Variants in PPP1CC observed in about 807,000 individuals in gnomAD.
PPP1CC encodes serine/threonine-protein phosphatase PP1-gamma catalytic subunit.
PPP1CC carries 16 observed loss-of-function variants against 38.4 expected under a neutral mutation model. The ratio of observed to expected loss-of-function variants is 0.42; its 90% CI spans 0.28 to 0.63. The LOEUF (loss-of-function observed/expected upper bound fraction) is 0.63, where lower values mean the gene tolerates loss of function less well. PPP1CC is among the 30% of genes least tolerant of loss of function. PPP1CC has a pLI of 0.25. For missense variants in PPP1CC, 170 were observed against 391.3 expected (o/e 0.43, Z 4.77); for synonymous variants, 158 against 136.0 (o/e 1.16, Z -1.13).
At chr12:110,733,382 C>T (rs560223082) in intron 1 of PPP1CC, among the ~76,000 whole-genome samples, 5 of 152,006 alleles carry the variant, frequency 3.3e-5, no homozygotes, top group Admixed American at 6.6e-5. Flanking sequence ...AGTATTTCTG[C>T]GATAAATAGC....
chr12:110,715,184 A>G (rs1427926465), downstream of PPP1CC, among the ~76,000 whole-genome samples: 1 of 152,132 alleles, frequency 6.6e-6, no homozygotes, highest in Non-Finnish European at 1.5e-5. Flanking sequence ...TTTAAGTGAC[A>G]TTTTAGAATT....
In PPP1CC at chr12:110,722,382, A is replaced by G. The variant is rs2069749675; in HGVS notation, c.747+90T>C. The G allele has an allele frequency of 6.4e-7, 1 of 1,558,044 alleles. No homozygotes were observed. Among genetic ancestry groups the G allele is most frequent in the Non-Finnish European group, 8.8e-7 (1 of 1,133,386 alleles). ...TGTGTTCCAGAAACACTTTGTATAA[A>G]TAAGCAATACCTACCCACCAAAATC... is the stretch of plus-strand genomic sequence containing the variant. On this transcript the variant is annotated intron_variant, in intron 5 of 6. Transcript: ENST00000335007. The surrounding 1 kb of genome is among the most constrained non-coding windows in gnomAD (Gnocchi z 5.4).
Position 110,722,093 on chromosome 12 carries a change from G to A in PPP1CC, c.882+42C>T, listed in dbSNP as rs756856398. Reference sequence around the variant, plus strand: ...AATTATATTTTTCAATCAGCAAAGTGTAAACATATTAAAAGGAAATCATGT... The same window carrying A: ...AATTATATTTTTCAATCAGCAAAGTATAAACATATTAAAAGGAAATCATGT... On this transcript the variant is annotated intron_variant, in intron 6 of 6. Transcript: ENST00000335007. The surrounding 1 kb of genome is among the most constrained non-coding windows in gnomAD (Gnocchi z 5.4). 11 of 1,611,010 alleles carry A rather than the reference G, an allele frequency of 6.8e-6. No homozygotes were observed. The highest frequency in any genetic ancestry group is 5.5e-5 in the South Asian group (5 of 90,878).
intron 4 of PPP1CC, among the ~76,000 whole-genome samples, chr12:110,724,223 G>C (rs938682327): frequency 6.6e-6 from 1 of 151,978 alleles, no homozygotes; most frequent in Non-Finnish European, 1.5e-5. Flanking sequence ...GGGTGAGAGA[G>C]CGAGACTCTG....
At chr12:110,726,811 A>T (rs1015610586) in intron 3 of PPP1CC, 2 of 152,160 alleles carry the variant, frequency 1.3e-5, no homozygotes, top group Non-Finnish European at 2.9e-5. Context: ...AAACAAAAAC[A>T]AAAAACCTGC....
chr12:110,708,864 A>AAG, the PPP1CC span, among the ~76,000 whole-genome samples: 10 of 150,364 alleles, frequency 6.7e-5, no homozygotes, highest in South Asian at 2.1e-4. Flanking sequence ...AAAAAAAAAA[A>AAG]AAAAGAAAAG....
At chr12:110,717,912 G>C (rs566310406), downstream of PPP1CC, among the ~76,000 whole-genome samples, 9 of 152,276 alleles carry the variant, frequency 5.9e-5, no homozygotes, top group South Asian at 1.7e-3. Flanking sequence ...GCACTTCCCT[G>C]CAATGGTTCC....
intron 1 of PPP1CC, chr12:110,734,694 A>G (rs2069921315): frequency 6.5e-6 from 1 of 153,700 alleles, no homozygotes; most frequent in Admixed American, 6.5e-5. Context: ...ATAAAATTAT[A>G]AAACAATAGG....
chr12:110,720,127 T>A lies in PPP1CC; in HGVS notation c.*949A>T, dbSNP rs1454882354. 6.5e-7 allele frequency: 1 copy of A among 1,546,668 alleles called. No homozygotes were observed. The highest frequency in any genetic ancestry group is 8.7e-7 in the Non-Finnish European group (1 of 1,151,694). ...TAAAGAATGTAGGCCAAAGAAAGCA[T>A]AATCGGTCACTCGTATAGAACAGTA... On this transcript the variant is annotated 3_prime_UTR_variant, in exon 7 of 7. Transcript: ENST00000335007.
intron 1 of PPP1CC, among the ~76,000 whole-genome samples, chr12:110,734,516 T>C (rs993269168): frequency 6.6e-6 from 1 of 152,148 alleles, no homozygotes. Context: ...GCTAATTTTA[T>C]ACTTTTAGTA....
At chr12:110,728,407 A>AAAAAC (rs2069833030) in intron 3 of PPP1CC, among the ~76,000 whole-genome samples, 3 of 151,212 alleles carry the variant, frequency 2.0e-5, no homozygotes, top group African/African-American at 4.9e-5. Flanking sequence ...CAAAAAAAAA[A>AAAAAC]AAAAAAACAA....
chr12:110,711,081 CAGG>C, the PPP1CC span, among the ~76,000 whole-genome samples: 1 of 151,986 alleles, frequency 6.6e-6, no homozygotes, highest in Non-Finnish European at 1.5e-5. Flanking sequence ...GAGGCTGAGG[CAGG>C]AGAATTGCTT....
Position 110,742,644 on chromosome 12 carries a change from C to T in PPP1CC, c.55+9G>A, listed in dbSNP as rs754717331. ...GCCTCCCCCTTCAGCCGCCCGCCGCCCCCCTTACCTTCCAGCAGCCGTTGG... is the reference window on the plus strand; with the variant it reads ...GCCTCCCCCTTCAGCCGCCCGCCGCTCCCCTTACCTTCCAGCAGCCGTTGG... On this transcript the variant is annotated intron_variant, in intron 1 of 6. Coordinates refer to ENST00000335007, the MANE Select transcript of PPP1CC (RefSeq NM_002710.4). 4 of 1,472,734 alleles carry T rather than the reference C, an allele frequency of 2.7e-6. No homozygotes were observed. The African/African-American group carries it at 4.4e-5, about 16-fold the overall frequency. The allele number at this position is 1,472,734 out of a possible 1,614,324, so 91.2% of individuals were successfully genotyped here. A position where few individuals can be genotyped will look rare whatever the true frequency, so the allele number is the denominator to read the frequency against.
chr12:110,730,882 T>C (rs2069863946), intron 2 of PPP1CC, 123 bp from the exon 3 acceptor site: 2 of 644,196 alleles, frequency 3.1e-6, no homozygotes, highest in Non-Finnish European at 5.2e-6. Flanking sequence ...GTAATGAGAG[T>C]TTAACTGGGC....
the PPP1CC span, among the ~76,000 whole-genome samples, chr12:110,710,515 G>A: frequency 1.3e-5 from 2 of 150,868 alleles, no homozygotes; most frequent in Non-Finnish European, 2.9e-5. Context: ...TCAGAAGATT[G>A]AGACCATCCT....
downstream of PPP1CC, among the ~76,000 whole-genome samples, chr12:110,717,254 GTCTGGGCTGAT>G (rs1467731582): frequency 7.2e-5 from 11 of 152,188 alleles, no homozygotes; most frequent in African/African-American, 2.7e-4. Flanking sequence ...TGTTCTTCCA[GTCTGGGCTGAT>G]GCATACATCT....
At position 110,722,726 on chromosome 12, in the gene PPP1CC, A is replaced by C; in HGVS notation, c.524-31T>G. ...CAATGAGGAAAAAAAAAAAATGAAG[A>C]AAGCAGAACTTTTAAAAGGATACTA... On this transcript the variant is annotated intron_variant, in intron 4 of 6. Transcript: ENST00000335007. This position sits in a 1 kb window ranked among gnomAD's most constrained non-coding sequence, Gnocchi z 5.4. The C allele has an allele frequency of 6.5e-7, 1 of 1,544,732 alleles. No individual in the cohort carries two copies. The highest frequency in any genetic ancestry group is 8.8e-7 in the Non-Finnish European group (1 of 1,139,504).
chr12:110,720,261 C>A lies in PPP1CC; in HGVS notation c.*815G>T. ...ATGGAAATTGTATAAAATGTTATTA[C>A]CTTTTATCGTTAGTAGCTTAAACAG... On this transcript the variant is annotated 3_prime_UTR_variant, in exon 7 of 7. Coordinates refer to ENST00000335007, the MANE Select transcript of PPP1CC (RefSeq NM_002710.4). 7.0e-7 allele frequency: 1 copy of A among 1,428,068 alleles called. No homozygotes were observed. Among genetic ancestry groups the A allele is most frequent in the Non-Finnish European group, 9.5e-7 (1 of 1,051,800 alleles). The allele number at this position is 1,428,068 out of a possible 1,614,324, so 88.5% of individuals were successfully genotyped here.
the PPP1CC span, among the ~76,000 whole-genome samples, chr12:110,711,785 C>T: frequency 2.0e-5 from 3 of 151,046 alleles, no homozygotes; most frequent in African/African-American, 4.9e-5. Context: ...GTTAGCTGGG[C>T]GTGGTGGTGC....
Sources: allele counts gnomAD v4.1 joint callset (sites outside exome capture counted in the v4.1 genomes callset), GRCh38; gene constraint gnomAD v4.1.1; non-coding constraint Gnocchi (gnomAD v3.1); transcripts MANE v1.5; gene names NCBI Gene and HGNC (gene_info 2026-07-23, HGNC 2026-07-21).